Variants in KCNAB1 observed in about 807,000 individuals in gnomAD.
KCNAB1 encodes the protein potassium voltage-gated channel subfamily A regulatory beta subunit 1, also known as voltage-gated potassium channel subunit beta-1.
Under a neutral mutation model 64.6 loss-of-function variants are expected in KCNAB1, and 35 were observed. The ratio of observed to expected loss-of-function variants is 0.54; its 90% confidence interval spans 0.41 to 0.72. The LOEUF (loss-of-function observed/expected upper bound fraction) is 0.72. KCNAB1 is among the 30% of genes least tolerant of loss of function. KCNAB1 has a pLI of 0.00. For missense variants in KCNAB1, 401 were observed against 512.9 expected (o/e 0.78, Z 2.11); for synonymous variants, 177 against 183.8 (o/e 0.96, Z 0.30).
intron 1 of KCNAB1, among the ~76,000 whole-genome samples, chr3:156,128,773 C>A (rs1433663447): frequency 6.6e-6 from 1 of 152,150 alleles, no homozygotes; most frequent in Non-Finnish European, 1.5e-5. Flanking sequence ...GAAATTAAAT[C>A]TTTCAATGGG....
At chr3:156,216,931 C>G (rs1264742251) in intron 1 of KCNAB1, 1 of 152,216 alleles carries the variant, frequency 6.6e-6, no homozygotes, top group Non-Finnish European at 1.5e-5. Context: ...TTTTACATGA[C>G]TGACCTGGAG....
chr3:156,397,655 T>C (rs1713562691), intron 1 of KCNAB1, among the ~76,000 whole-genome samples: 1 of 152,142 alleles, frequency 6.6e-6, no homozygotes, highest in African/African-American at 2.4e-5. Context: ...TACTTTACTT[T>C]GGTGTATTAA....
At chr3:156,512,534 T>A (rs536390677) in intron 8 of KCNAB1, among the ~76,000 whole-genome samples, 16 of 152,332 alleles carry the variant, frequency 1.1e-4, no homozygotes, top group African/African-American at 3.8e-4. Flanking sequence ...GTTGATTGGC[T>A]GAACTCCCAG....
At chr3:156,472,737 G>T (rs1023328689) in intron 7 of KCNAB1, among the ~76,000 whole-genome samples, 1 of 152,184 alleles carries the variant, frequency 6.6e-6, no homozygotes, top group Admixed American at 6.5e-5. Flanking sequence ...CTTGAACAAG[G>T]AACCTGTGCC....
Position 156,400,992 on chromosome 3 carries a change from A to G in KCNAB1, c.276-20624A>G, listed in dbSNP as rs79615432. Among the ~76,000 whole-genome samples the G allele has an allele frequency of 7.5e-3, 1,150 of 152,348 alleles. 13 individuals carry two copies. The highest frequency in any genetic ancestry group is 0.026 in the African/African-American group (1,099 of 41,566). On this transcript the variant is annotated intron_variant, in intron 1 of 13. Transcript: ENST00000490337. The stretch of plus-strand genomic sequence containing the variant: ...ATGCCCAAAGGCTACTCAATAAATC[A>G]TCCATGACTGACTGCACAGAAGAGA...
chr3:156,369,224 G>A (rs969184055), intron 1 of KCNAB1, among the ~76,000 whole-genome samples: 2 of 152,046 alleles, frequency 1.3e-5, no homozygotes, highest in African/African-American at 4.8e-5. Flanking sequence ...TTTTAAGTCT[G>A]GCTTCTATCA....
intron 1 of KCNAB1, among the ~76,000 whole-genome samples, chr3:156,401,365 T>C (rs142013392): frequency 1.4e-4 from 21 of 152,388 alleles, no homozygotes; most frequent in South Asian, 2.1e-4. Flanking sequence ...TCCTCTATGA[T>C]TGAACCAGTC....
intron 1 of KCNAB1, among the ~76,000 whole-genome samples, chr3:156,166,901 C>T (rs539547857): frequency 3.9e-5 from 6 of 152,232 alleles, no homozygotes; most frequent in South Asian, 2.1e-4. Context: ...TTGTAGGAAC[C>T]GGTTGATGTT....
chr3:156,468,103 A>C (rs1546750), intron 7 of KCNAB1, among the ~76,000 whole-genome samples: 60,849 of 151,868 alleles, frequency 0.4, 12,425 homozygotes, highest in South Asian at 0.5. Flanking sequence ...TTTCATTGTG[A>C]ACTTTTTTCT....
intron 1 of KCNAB1, among the ~76,000 whole-genome samples, chr3:156,163,750 T>C (rs1716214476): frequency 6.6e-6 from 1 of 152,222 alleles, no homozygotes; most frequent in Non-Finnish European, 1.5e-5. Context: ...GCCATAACCT[T>C]TTGCTGGGTG....
At chr3:156,328,022 C>T (rs993148665) in intron 1 of KCNAB1, among the ~76,000 whole-genome samples, 1 of 152,094 alleles carries the variant, frequency 6.6e-6, no homozygotes, top group African/African-American at 2.4e-5. Context: ...TACACCTGCC[C>T]ACCACCCCAA....
chr3:156,205,122 G>A (rs1277650941), intron 1 of KCNAB1, among the ~76,000 whole-genome samples: 1 of 152,036 alleles, frequency 6.6e-6, no homozygotes, highest in African/African-American at 2.4e-5. Context: ...GCCAACTCTG[G>A]GGTAAAGAAG....
At chr3:156,492,824 C>G (rs567383258) in intron 8 of KCNAB1, among the ~76,000 whole-genome samples, 8 of 152,036 alleles carry the variant, frequency 5.3e-5, no homozygotes. Context: ...AAAGGCTGAA[C>G]CAAGAGAGCA....
rs562432293 is a variant in KCNAB1 at position 156,219,825 on chromosome 3, G to A, written c.275+98939G>A. Reference sequence around the variant, plus strand: ...GGTGGTTTGCTGTACCCATCAACTCGTCATTTACATTAGGTATTTCTCCTA... The same window carrying A: ...GGTGGTTTGCTGTACCCATCAACTCATCATTTACATTAGGTATTTCTCCTA... On this transcript the variant is annotated intron_variant, in intron 1 of 13. Transcript: ENST00000490337. 1.4e-3 allele frequency among the ~76,000 whole-genome samples: 211 copies of A among 151,860 alleles called. No homozygotes were observed. The South Asian group carries it at 0.017, about 12-fold the overall frequency.
At chr3:156,156,983 G>T (rs1715764154) in intron 1 of KCNAB1, among the ~76,000 whole-genome samples, 1 of 152,120 alleles carries the variant, frequency 6.6e-6, no homozygotes, top group Admixed American at 6.6e-5. Flanking sequence ...AGAGGAACCA[G>T]CAATGGAAAC....
rs188584106 is a variant in KCNAB1 at position 156,215,464 on chromosome 3, T to C, written c.275+94578T>C. On this transcript the variant is annotated intron_variant, in intron 1 of 13. Coordinates refer to ENST00000490337, the MANE Select transcript of KCNAB1 (RefSeq NM_172160.3). ...ATAGAACAAGATAAGTTTTATTTCG[T>C]CCTAAAGTAGAGGTCAGGCAGAGGT... is the stretch of plus-strand genomic sequence containing the variant. 2.2e-3 allele frequency: 333 copies of C among 152,360 alleles called. 1 individual carries two copies. Among genetic ancestry groups the C allele is most frequent in the African/African-American group, 7.4e-3 (309 of 41,578 alleles). 9.4% of individuals were successfully genotyped at this position (152,360 alleles called of 1,614,324 possible). A position where few individuals can be genotyped will look rare whatever the true frequency, so the allele number is the denominator to read the frequency against.
chr3:156,260,688 C>T (rs1454604664), intron 1 of KCNAB1, among the ~76,000 whole-genome samples: 1 of 152,062 alleles, frequency 6.6e-6, no homozygotes. Context: ...TGGATAATTT[C>T]CTGGTTTGGT....
intron 13 of KCNAB1, among the ~76,000 whole-genome samples, chr3:156,534,572 CG>C (rs956459280): frequency 2.0e-5 from 3 of 152,168 alleles, no homozygotes; most frequent in Non-Finnish European, 2.9e-5. Context: ...AATCTTGAGC[CG>C]CTCTCAACCA....
At chr3:156,231,509 TCCC>T (rs1716526967) in intron 1 of KCNAB1, among the ~76,000 whole-genome samples, 16 of 25,108 alleles carry the variant, frequency 6.4e-4, no homozygotes, top group African/African-American at 2.5e-3. Flanking sequence ...CCTCCCTCCC[TCCC>T]TCCCTTCCTC....
Sources: allele counts gnomAD v4.1 joint callset (sites outside exome capture counted in the v4.1 genomes callset), GRCh38; gene constraint gnomAD v4.1.1; transcripts MANE v1.5; gene names NCBI Gene and HGNC (gene_info 2026-07-23, HGNC 2026-07-21).